The following PDS5B variants were observed in gnomAD, a reference collection of about 807,000 sequenced individuals.
PDS5B encodes the protein sister chromatid cohesion protein PDS5 homolog B.
PDS5B carries 51 observed loss-of-function variants against 184.1 expected under a neutral mutation model. That is an observed-to-expected ratio of 0.28 (90% CI 0.22 to 0.35). The LOEUF is 0.35. PDS5B is among the 10% of genes least tolerant of loss of function. The probability of loss-of-function intolerance (pLI) is 1.00; values close to 1 mark genes in which losing one functional copy is unlikely to be tolerated. For missense variants in PDS5B, 1,180 were observed against 1,723.3 expected (o/e 0.68, Z 5.58); for synonymous variants, 566 against 569.2 (o/e 0.99, Z 0.08).
intron 1 of PDS5B, among the ~76,000 whole-genome samples, chr13:32,647,937 CT>C (rs1950268770): frequency 6.6e-6 from 1 of 152,132 alleles, no homozygotes; most frequent in African/African-American, 2.4e-5. Flanking sequence ...CTAGGCAGGA[CT>C]TGGATTTACT....
chr13:32,734,573 T>C (rs1953253136), intron 20 of PDS5B, among the ~76,000 whole-genome samples: 1 of 152,250 alleles, frequency 6.6e-6, no homozygotes, highest in Non-Finnish European at 1.5e-5. Flanking sequence ...AATGACCCTC[T>C]AATCAGTGGC....
At chr13:32,769,108 G>C (rs1193690846) in intron 31 of PDS5B, among the ~76,000 whole-genome samples, 4 of 151,934 alleles carry the variant, frequency 2.6e-5, no homozygotes, top group Non-Finnish European at 5.9e-5. Context: ...GGGTGACAGA[G>C]TGAGACTCCA....
Position 32,741,096 on chromosome 13 carries a change from C to T in PDS5B, c.2423C>T (p.Thr808Ile). ...TATTTTTAGCTTCCAGGGAAAAAGA[C>T]AACTAAACTTTGGGTTCCAGATGAA... ...LMNDRLPGKK[T>I]TKLWVPDEEV... Residue 808 changes from threonine to isoleucine, a missense_variant, in exon 22 of 35, where the codon ACA (threonine) becomes ATA (isoleucine). Around this residue, in one of 11 missense-constraint regions of PDS5B, gnomAD observed 475 missense variants for 691.5 expected, o/e 0.69. Coordinates refer to ENST00000315596, the MANE Select transcript of PDS5B (RefSeq NM_015032.4). The T allele has an allele frequency of 6.6e-7, 1 of 1,524,598 alleles. No homozygotes were observed. The highest frequency in any genetic ancestry group is 9.0e-7 in the Non-Finnish European group (1 of 1,110,482). 94.4% of individuals were successfully genotyped at this position (1,524,598 alleles called of 1,614,324 possible).
At chr13:32,699,991 G>A (rs1253864027) in intron 16 of PDS5B, 122 bp downstream of exon 16, 1 of 890,180 alleles carries the variant, frequency 1.1e-6, no homozygotes, top group African/African-American at 1.8e-5. Context: ...TAAAAATGCA[G>A]ATAAACTATA....
At chr13:32,703,753 G>C (rs78421398) in intron 17 of PDS5B, among the ~76,000 whole-genome samples, 2,937 of 152,234 alleles carry the variant, frequency 0.019, 67 homozygotes, top group African/African-American at 0.06. Flanking sequence ...AACAGTGACT[G>C]TTAATCTTTT....
intron 14 of PDS5B, among the ~76,000 whole-genome samples, chr13:32,696,300 G>A (rs541812537): frequency 2.6e-5 from 4 of 152,094 alleles, no homozygotes; most frequent in South Asian, 4.2e-4. Context: ...TCTAAGAAAC[G>A]TCTTTTATAC....
In PDS5B at chr13:32,688,569, A is replaced by G. The variant is rs1274371425; in HGVS notation, c.1469A>G (p.Lys490Arg). ...GCCACACTGGATTTAAATGCTGTGAAGTATGTTTCAAATATCAAATTCTGT... is the reference window on the plus strand; with the variant it reads ...GCCACACTGGATTTAAATGCTGTGAGGTATGTTTCAAATATCAAATTCTGT... ...LYATLDLNAV[K>R]ALNEMWKCQN... The change falls in exon 13 of 35, where the codon AAA (lysine) becomes AGA (arginine). Residue 490 changes from lysine to arginine, a missense_variant and splice_region_variant. Physicochemically the swap from Lys to Arg is conservative, Grantham distance 26. Coordinates refer to ENST00000315596, the MANE Select transcript of PDS5B (RefSeq NM_015032.4). The G allele has an allele frequency of 2.0e-6, 3 of 1,497,588 alleles. No homozygotes were observed. The African/African-American group carries it at 4.1e-5, about 21-fold the overall frequency. The allele number at this position is 1,497,588 out of a possible 1,614,324, so 92.8% of individuals were successfully genotyped here. A position where few individuals can be genotyped will look rare whatever the true frequency, so the allele number is the denominator to read the frequency against.
intron 21 of PDS5B, among the ~76,000 whole-genome samples, chr13:32,740,189 T>A (rs1953489094): frequency 6.6e-6 from 1 of 152,214 alleles, no homozygotes; most frequent in Non-Finnish European, 1.5e-5. Context: ...ATTCAGAGCA[T>A]TGTTTTTTTG....
chr13:32,769,177 T>A (rs1012779600), intron 31 of PDS5B, among the ~76,000 whole-genome samples: 2 of 151,676 alleles, frequency 1.3e-5, no homozygotes, highest in African/African-American at 4.8e-5. Context: ...AAAATAAGCA[T>A]AGAGGCATAC....
chr13:32,655,375 T>TATATATATATATATATATATATATATATC (rs1555296358), intron 3 of PDS5B, among the ~76,000 whole-genome samples: 1 of 50,950 alleles, frequency 2.0e-5, no homozygotes, highest in Non-Finnish European at 3.1e-5. Context: ...TATATATATA[T>TATATATATATATATATATATATATATATC]TTTTTTTTTT....
In PDS5B at chr13:32,658,335, A is replaced by G. The variant is rs1450557785; in HGVS notation, c.399+10A>G. 7.0e-7 allele frequency: 1 copy of G among 1,433,662 alleles called. No homozygotes were observed. Among genetic ancestry groups the G allele is most frequent in the South Asian group, 1.2e-5 (1 of 84,898 alleles). 88.8% of individuals were successfully genotyped at this position (1,433,662 alleles called of 1,614,324 possible). ...TTTTTATTTACTTGAGGTAAGCAAT[A>G]TCTTGTATCTTGAGATGACATTTTA... On this transcript the variant is annotated intron_variant, in intron 4 of 34. Transcript: ENST00000315596.
intron 16 of PDS5B, 134 bp from the exon 17 acceptor site, chr13:32,701,189 G>T: frequency 1.8e-6 from 1 of 545,386 alleles, no homozygotes; most frequent in Non-Finnish European, 3.3e-6. Flanking sequence ...TTTTTTCTGG[G>T]CTTGTTCAAT....
At chr13:32,674,648 A>T (rs1348388499) in intron 8 of PDS5B, among the ~76,000 whole-genome samples, 1 of 151,768 alleles carries the variant, frequency 6.6e-6, no homozygotes, top group African/African-American at 2.4e-5. Flanking sequence ...AGGAAAAAAA[A>T]TCCAGATCTA....
chr13:32,641,644 CTTCT>C (rs1258454192), intron 1 of PDS5B, among the ~76,000 whole-genome samples: 3 of 151,926 alleles, frequency 2.0e-5, no homozygotes, highest in African/African-American at 7.3e-5. Context: ...TTCTGTTTTC[CTTCT>C]TTATCTCCCC....
chr13:32,659,898 A>C (rs982385980), intron 6 of PDS5B, among the ~76,000 whole-genome samples: 1 of 152,200 alleles, frequency 6.6e-6, no homozygotes, highest in Non-Finnish European at 1.5e-5. Context: ...GGCAAGATAT[A>C]ATCTCAGTGT....
At chr13:32,624,931 G>A (rs567572568) in intron 1 of PDS5B, among the ~76,000 whole-genome samples, 3 of 152,230 alleles carry the variant, frequency 2.0e-5, no homozygotes, top group African/African-American at 7.2e-5. Flanking sequence ...CAGATGGTGA[G>A]TGTGGAAATG....
At chr13:32,616,534 G>A (rs1020593474) in intron 1 of PDS5B, among the ~76,000 whole-genome samples, 2 of 152,072 alleles carry the variant, frequency 1.3e-5, no homozygotes, top group African/African-American at 4.8e-5. Context: ...GGACATGTAG[G>A]TATTTTCAGT....
chr13:32,721,555 C>G (rs1235307127), intron 19 of PDS5B, among the ~76,000 whole-genome samples: 2 of 147,948 alleles, frequency 1.4e-5, no homozygotes, highest in African/African-American at 2.6e-5. Context: ...GTGCTCCTCA[C>G]CTCCCAGATG....
At chr13:32,617,467 C>G (rs964423457) in intron 1 of PDS5B, among the ~76,000 whole-genome samples, 15 of 152,180 alleles carry the variant, frequency 9.9e-5, no homozygotes, top group African/African-American at 3.4e-4. Context: ...ACCACTGTGG[C>G]AAATGCTGTT....
Sources: gnomAD v4.1 joint callset for allele counts (sites outside exome capture counted in the v4.1 genomes callset) on GRCh38, gnomAD v4.1.1 for gene constraint, gnomAD v4.1.1 regional missense constraint, MANE v1.5 for transcripts, NCBI Gene and HGNC (gene_info 2026-07-23, HGNC 2026-07-21) for gene names.